Variants in YME1L1 observed in about 807,000 individuals in gnomAD.
YME1L1 encodes the protein YME1 like 1 ATPase.
A neutral mutation model predicts 90.4 loss-of-function variants in YME1L1; 39 were observed. The ratio of observed to expected loss-of-function variants is 0.43; its 90% CI spans 0.33 to 0.56. YME1L1 has a LOEUF of 0.56. YME1L1 is among the 20% of genes least tolerant of loss of function. The pLI is 0.03. For missense variants in YME1L1, 617 were observed against 868.4 expected (o/e 0.71, Z 3.64); for synonymous variants, 284 against 287.3 (o/e 0.99, Z 0.12).
chr10:27,124,707 T>G (rs1399979801), intron 9 of YME1L1, among the ~76,000 whole-genome samples: 1 of 152,200 alleles, frequency 6.6e-6, no homozygotes, highest in Admixed American at 6.5e-5. Flanking sequence ...AAAATACTCC[T>G]TGTGATTAGA....
At chr10:27,117,832 C>G in intron 14 of YME1L1, 105 bp from the exon 15 acceptor site, 1 of 1,147,108 alleles carries the variant, frequency 8.7e-7, no homozygotes, top group Non-Finnish European at 1.2e-6. Flanking sequence ...TTCCTATCAG[C>G]AGATTCTGCA....
intron 8 of YME1L1, among the ~76,000 whole-genome samples, chr10:27,127,764 T>C (rs2056935724): frequency 6.6e-6 from 1 of 152,322 alleles, no homozygotes; most frequent in African/African-American, 2.4e-5. Context: ...TAAGGTTCTA[T>C]TTCTTGAGCT....
At chr10:27,148,103 G>C (rs1417488090) in intron 2 of YME1L1, among the ~76,000 whole-genome samples, 1 of 151,936 alleles carries the variant, frequency 6.6e-6, no homozygotes. Flanking sequence ...ATTTTTTTAA[G>C]AGTTTTATTT....
Position 27,121,347 on chromosome 10 carries a change from T to C in YME1L1, c.1298+39A>G, listed in dbSNP as rs751590510. The C allele has an allele frequency of 7.0e-6, 10 of 1,423,282 alleles. 1 individual carries two copies. In the South Asian group the frequency reaches 1.0e-4, roughly 15 times the overall value. 88.2% of individuals were successfully genotyped at this position (1,423,282 alleles called of 1,614,324 possible). ...CTTCTTTTAGCACAATTTTGTAGCATGTAACAGTACTTCACAAAAATCTTC... is the reference window on the plus strand; with the variant it reads ...CTTCTTTTAGCACAATTTTGTAGCACGTAACAGTACTTCACAAAAATCTTC... On this transcript the variant is annotated intron_variant, in intron 12 of 18. Transcript: ENST00000376016.
chr10:27,138,407 G>A (rs35462097), intron 4 of YME1L1, among the ~76,000 whole-genome samples: 12,725 of 152,118 alleles, frequency 0.084, 726 homozygotes, highest in East Asian at 0.28. Context: ...ACAAATTTGG[G>A]TGTAAATTGA....
chr10:27,149,168 T>C (rs2057180133), intron 1 of YME1L1, 128 bp from the exon 2 acceptor site: 2 of 771,292 alleles, frequency 2.6e-6, no homozygotes, highest in Non-Finnish European at 4.0e-6. Context: ...CTAAAAACTG[T>C]AAGTACTCAG....
chr10:27,145,373 A>C (rs2057132916), intron 3 of YME1L1, 55 bp downstream of exon 3: 1 of 1,400,988 alleles, frequency 7.1e-7, no homozygotes, highest in Non-Finnish European at 9.7e-7. Flanking sequence ...AATGGTATCT[A>C]TAATTATTAA....
In YME1L1 at chr10:27,154,242, T is replaced by C; in HGVS notation, c.-32A>G. On this transcript the variant is annotated 5_prime_UTR_variant, in exon 1 of 19. Coordinates refer to ENST00000376016, the MANE Select transcript of YME1L1 (RefSeq NM_014263.4). ...CGGGCCCTCAGCGACCTCACCCGCC[T>C]GCCGAAACTGTGCCCCTCTGTCCAC... 1 of 1,581,102 alleles carries C rather than the reference T, an allele frequency of 6.3e-7. No individual in the cohort carries two copies. Among genetic ancestry groups the C allele is most frequent in the Non-Finnish European group, 8.6e-7 (1 of 1,162,744 alleles).
intron 13 of YME1L1, 116 bp downstream of exon 13, chr10:27,120,319 A>G: frequency 1.4e-6 from 1 of 701,138 alleles, no homozygotes; most frequent in Non-Finnish European, 2.3e-6. Context: ...GAAAAAAAAA[A>G]GACAAAAATG....
At chr10:27,125,237 A>T (rs2056904835) in intron 9 of YME1L1, among the ~76,000 whole-genome samples, 1 of 152,168 alleles carries the variant, frequency 6.6e-6, no homozygotes, top group Admixed American at 6.5e-5. Context: ...CCATATAAAA[A>T]TTCAATATAA....
intron 9 of YME1L1, among the ~76,000 whole-genome samples, chr10:27,125,957 G>A (rs747362433): frequency 1.3e-5 from 2 of 152,054 alleles, no homozygotes; most frequent in African/African-American, 2.4e-5. Flanking sequence ...GATTAAAGGC[G>A]TGAGCCACCA....
rs1258129080 is a variant in YME1L1 at position 27,110,206 on chromosome 10, G to A, written c.*1771C>T. The stretch of plus-strand genomic sequence containing the variant: ...AAGACTTTATCAATATTTTATACGT[G>A]TATGTATGTACATACAGAGAGGGAG... On this transcript the variant is annotated 3_prime_UTR_variant, in exon 19 of 19. Coordinates refer to ENST00000376016, the MANE Select transcript of YME1L1 (RefSeq NM_014263.4). 3.3e-5 allele frequency: 5 copies of A among 152,150 alleles called. No individual in the cohort carries two copies. The highest frequency in any genetic ancestry group is 7.4e-5 in the Non-Finnish European group (5 of 68,018). The allele number at this position is 152,150 out of a possible 1,614,324, so 9.4% of individuals were successfully genotyped here.
At chr10:27,134,521 G>A (rs1300147738) in intron 6 of YME1L1, among the ~76,000 whole-genome samples, 3 of 152,204 alleles carry the variant, frequency 2.0e-5, no homozygotes, top group Non-Finnish European at 4.4e-5. Context: ...GCTACAATGA[G>A]CCATGATTGC....
chr10:27,147,597 G>C (rs763966553), intron 2 of YME1L1: 2 of 1,574,272 alleles, frequency 1.3e-6, no homozygotes, highest in Admixed American at 1.9e-5. Context: ...ACATGGATCT[G>C]TACCCTTCGA....
rs369546611 is a variant in YME1L1, at chr10:27,136,397, A to G, written c.431-12T>C. 6.3e-6 allele frequency: 10 copies of G among 1,592,142 alleles called. No individual in the cohort carries two copies. Among genetic ancestry groups the G allele is most frequent in the Non-Finnish European group, 8.6e-6 (10 of 1,163,400 alleles). On this transcript the variant is annotated splice_polypyrimidine_tract_variant and intron_variant, in intron 4 of 18. Transcript: ENST00000376016. ...AGACTGTATGAAAACTAAATAAAAC[A>G]ATACCATTCACTGTCACTATAAATT...
chr10:27,152,034 A>G (rs9731310), intron 1 of YME1L1, among the ~76,000 whole-genome samples: 8,478 of 152,252 alleles, frequency 0.056, 473 homozygotes, highest in African/African-American at 0.15. Context: ...TAGCAAAAAA[A>G]CATGGATTTG....
chr10:27,151,036 C>T (rs1186352987), intron 1 of YME1L1, among the ~76,000 whole-genome samples: 1 of 149,742 alleles, frequency 6.7e-6, no homozygotes, highest in Non-Finnish European at 1.5e-5. Flanking sequence ...AGTGATTCTC[C>T]TGCCTCAGCC....
chr10:27,151,070 C>A (rs2057209273), intron 1 of YME1L1, among the ~76,000 whole-genome samples: 1 of 151,982 alleles, frequency 6.6e-6, no homozygotes, highest in South Asian at 2.1e-4. Context: ...GGACTACAGG[C>A]GCAGGCCACC....
chr10:27,123,740 A>T lies in YME1L1; in HGVS notation c.950-41T>A, dbSNP rs2274743. On this transcript the variant is annotated intron_variant, in intron 9 of 18. Coordinates refer to ENST00000376016, the MANE Select transcript of YME1L1 (RefSeq NM_014263.4). ...AACGAGAATGATTCAAAGTATTTTT[A>T]AAAAATCCCTCGATATGAACCTATA... 0.21 allele frequency: 321,610 copies of T among 1,552,452 alleles called. 39,525 individuals are homozygous for T. The highest frequency in any genetic ancestry group is 0.58 in the East Asian group (25,450 of 43,560).
Sources: gnomAD v4.1 joint callset for allele counts (sites outside exome capture counted in the v4.1 genomes callset) on GRCh38, gnomAD v4.1.1 for gene constraint, MANE v1.5 for transcripts, NCBI Gene and HGNC (gene_info 2026-07-23, HGNC 2026-07-21) for gene names.